The following SPMIP5 variants were observed in gnomAD, a reference collection of about 807,000 sequenced individuals.
SPMIP5 encodes the protein sperm microtubule inner protein 5.
At chr10:116,667,457 C>T in the SPMIP5 span, among the ~76,000 whole-genome samples, 1 of 152,228 alleles carries the variant, frequency 6.6e-6, no homozygotes, top group East Asian at 1.9e-4. Flanking sequence ...AGGCAAGTTA[C>T]TTACAGTCTC....
At chr10:116,669,144 G>A in the SPMIP5 span, among the ~76,000 whole-genome samples, 9,467 of 152,148 alleles carry the variant, frequency 0.062, 442 homozygotes, top group East Asian at 0.3. Flanking sequence ...GGGTATCGCT[G>A]GTCATTCCCC....
chr10:116,668,933 G>GCACGCACACACACACACA, the SPMIP5 span, among the ~76,000 whole-genome samples: 3 of 135,282 alleles, frequency 2.2e-5, no homozygotes, highest in African/African-American at 8.8e-5. Context: ...GCACACACAT[G>GCACGCACACACACACACA]CACACACACA....
the SPMIP5 span, among the ~76,000 whole-genome samples, chr10:116,669,607 C>T: frequency 6.6e-6 from 1 of 152,196 alleles, no homozygotes; most frequent in Admixed American, 6.5e-5. Context: ...GAACCGCATT[C>T]TCCTTTAATC....
chr10:116,664,336 G>A, the SPMIP5 span: 1 of 1,140,146 alleles, frequency 8.8e-7, no homozygotes, highest in Non-Finnish European at 1.2e-6. Flanking sequence ...ATAATAAATA[G>A]AATAAAATAC....
the SPMIP5 span, chr10:116,664,320 A>G: frequency 7.9e-7 from 1 of 1,271,642 alleles, no homozygotes; most frequent in African/African-American, 1.5e-5. Context: ...TATTAAGAAT[A>G]GAATAATAAT....
At chr10:116,663,834 T>C in the SPMIP5 span, 1 of 1,441,478 alleles carries the variant, frequency 6.9e-7, no homozygotes, top group Non-Finnish European at 9.1e-7. Context: ...TCACTGGGCG[T>C]GATTCCAACA....
At chr10:116,666,638 C>A in the SPMIP5 span, among the ~76,000 whole-genome samples, 1 of 152,062 alleles carries the variant, frequency 6.6e-6, no homozygotes, top group Non-Finnish European at 1.5e-5. Flanking sequence ...CCTACAATAA[C>A]CCCCTCTGGA....
chr10:116,668,172 G>C, the SPMIP5 span: 1 of 1,340,096 alleles, frequency 7.5e-7, no homozygotes, highest in Non-Finnish European at 1.1e-6. Context: ...TGGCTGCACA[G>C]ACACAGACAG....
chr10:116,668,314 A>T, the SPMIP5 span: 1 of 1,612,018 alleles, frequency 6.2e-7, no homozygotes, highest in Non-Finnish European at 8.5e-7. Flanking sequence ...AGGCTCCATG[A>T]TTTCGCTCTC....
At chr10:116,665,474 C>G in the SPMIP5 span, 3 of 624,964 alleles carry the variant, frequency 4.8e-6, no homozygotes, top group South Asian at 3.3e-5. Flanking sequence ...AGAAATGGAG[C>G]CTTTGCATTT....
the SPMIP5 span, chr10:116,665,913 C>T: frequency 3.4e-6 from 4 of 1,177,496 alleles, no homozygotes; most frequent in Admixed American, 2.1e-5. Flanking sequence ...GCATTTCAGC[C>T]CACCCTTTGG....
the SPMIP5 span, chr10:116,663,838 T>A: frequency 1.4e-6 from 2 of 1,451,118 alleles, no homozygotes; most frequent in Non-Finnish European, 1.8e-6. Flanking sequence ...TGGGCGTGAT[T>A]CCAACATGAG....
the SPMIP5 span, chr10:116,670,039 C>G: frequency 6.6e-6 from 1 of 152,284 alleles, no homozygotes; most frequent in South Asian, 2.1e-4. Flanking sequence ...AAGGCCCCAC[C>G]ACCGCCAGCC....
At chr10:116,663,113 C>A in the SPMIP5 span, among the ~76,000 whole-genome samples, 2 of 146,044 alleles carry the variant, frequency 1.4e-5, no homozygotes, top group Non-Finnish European at 3.0e-5. Flanking sequence ...ACCCAGGAAG[C>A]AGAGCTTGCA....
chr10:116,667,450 C>G, the SPMIP5 span, among the ~76,000 whole-genome samples: 1 of 152,208 alleles, frequency 6.6e-6, no homozygotes, highest in Non-Finnish European at 1.5e-5. Context: ...CACAGAGAGG[C>G]AAGTTACTTA....
At chr10:116,666,093 C>T in the SPMIP5 span, among the ~76,000 whole-genome samples, 2 of 152,362 alleles carry the variant, frequency 1.3e-5, no homozygotes, top group East Asian at 3.9e-4. Flanking sequence ...CTTTGAATAG[C>T]AAAGCCCCTG....
At chr10:116,663,487 G>T in the SPMIP5 span, among the ~76,000 whole-genome samples, 1 of 152,102 alleles carries the variant, frequency 6.6e-6, no homozygotes, top group Non-Finnish European at 1.5e-5. Flanking sequence ...CCCTCCTGGG[G>T]ACTGGGATTC....
At chr10:116,662,621 T>C in the SPMIP5 span, among the ~76,000 whole-genome samples, 1 of 152,216 alleles carries the variant, frequency 6.6e-6, no homozygotes, top group Non-Finnish European at 1.5e-5. Flanking sequence ...TCTGAGTGGA[T>C]GACAACGGTC....
chr10:116,668,933 G>GCACACACACACACACA, the SPMIP5 span, among the ~76,000 whole-genome samples: 3,810 of 135,262 alleles, frequency 0.028, 130 homozygotes, highest in African/African-American at 0.045. Flanking sequence ...GCACACACAT[G>GCACACACACACACACA]CACACACACA....
Sources: gnomAD v4.1 joint callset for allele counts (sites outside exome capture counted in the v4.1 genomes callset) on GRCh38, gnomAD v4.1.1 for gene constraint, MANE v1.5 for transcripts, NCBI Gene and HGNC (gene_info 2026-07-23, HGNC 2026-07-21) for gene names.